The following ATP6V1B2 variants were observed in gnomAD, a reference collection of about 807,000 sequenced individuals.
ATP6V1B2 encodes ATPase H+ transporting V1 subunit B2.
Under a neutral mutation model 66.7 loss-of-function variants are expected in ATP6V1B2, and 23 were observed. The ratio of observed to expected loss-of-function variants is 0.34; its 90% CI spans 0.25 to 0.49. The LOEUF is 0.49. Ranked by LOEUF, ATP6V1B2 falls within the 20% of genes least tolerant of loss-of-function variation. The pLI is 0.99. For synonymous variants in ATP6V1B2, 278 were observed against 236.7 expected, an observed-to-expected ratio of 1.17 and a Z score of -1.60; for missense variants, 478 against 650.8, an observed-to-expected ratio of 0.73 and a Z score of 2.89.
intron 12 of ATP6V1B2, 116 bp from the exon 13 acceptor site, chr8:20,218,037 G>T: frequency 7.4e-7 from 1 of 1,357,966 alleles, no homozygotes; most frequent in African/African-American, 1.5e-5. Context: ...AATTGTTTTT[G>T]TAAATTCCTT....
intron 13 of ATP6V1B2, among the ~76,000 whole-genome samples, chr8:20,219,648 C>T (rs2072888680): frequency 6.6e-6 from 1 of 152,030 alleles, no homozygotes; most frequent in African/African-American, 2.4e-5. Context: ...AATGCAGAAC[C>T]TGAATATCTT....
chr8:20,210,630 C>T lies in ATP6V1B2; in HGVS notation c.447C>T (p.Asp149=). The T allele has an allele frequency of 6.2e-7, 1 of 1,613,678 alleles. No individual in the cohort carries two copies. Among genetic ancestry groups the T allele is most frequent in the Non-Finnish European group, 8.5e-7 (1 of 1,179,650 alleles). ...IDRGPVVLAE[D]FLDIMGQPIN... is the part of the protein sequence containing the mutation. ...GAGGTCCTGTTGTACTGGCCGAAGA[C>T]TTCCTTGATATCATGGGTAGGTACA... The change falls in exon 5 of 14, where the codon GAC becomes GAT. Residue 149 remains aspartate (D), a synonymous_variant. Transcript: ENST00000276390.
At chr8:20,197,764 G>T (rs1267795526) in intron 1 of ATP6V1B2, among the ~76,000 whole-genome samples, 6 of 152,184 alleles carry the variant, frequency 3.9e-5, no homozygotes, top group African/African-American at 1.4e-4. Flanking sequence ...ACTTTTTCCT[G>T]GGGTTGGTGG....
chr8:20,199,225 T>G (rs952186555), intron 1 of ATP6V1B2, among the ~76,000 whole-genome samples: 2 of 152,250 alleles, frequency 1.3e-5, no homozygotes, highest in African/African-American at 2.4e-5. Flanking sequence ...GACGTTATTC[T>G]TGACAAAACT....
intron 1 of ATP6V1B2, 51 bp downstream of exon 1, chr8:20,197,593 C>G: frequency 7.6e-7 from 1 of 1,320,814 alleles, no homozygotes; most frequent in African/African-American, 1.5e-5. Context: ...TAGCCTAGCC[C>G]TTTGCTCCCA....
intron 1 of ATP6V1B2, among the ~76,000 whole-genome samples, chr8:20,198,138 T>G (rs1234970617): frequency 6.6e-6 from 1 of 152,222 alleles, no homozygotes; most frequent in Admixed American, 6.5e-5. Flanking sequence ...AAAAGTACCT[T>G]GCAGGTCATC....
chr8:20,211,880 C>A, intron 7 of ATP6V1B2, 127 bp downstream of exon 7: 2 of 889,378 alleles, frequency 2.2e-6, no homozygotes, highest in Non-Finnish European at 3.3e-6. Context: ...GGCATTTTGG[C>A]CAAATTAAGG....
At chr8:20,214,496 G>T (rs1203405391) in intron 9 of ATP6V1B2, 1 of 181,036 alleles carries the variant, frequency 5.5e-6, no homozygotes, top group Non-Finnish European at 1.1e-5. Flanking sequence ...TGTGAACCAA[G>T]AATCTTTTCT....
chr8:20,209,403 G>T, intron 2 of ATP6V1B2, 30 bp from the exon 3 acceptor site: 1 of 1,601,570 alleles, frequency 6.2e-7, no homozygotes, highest in Non-Finnish European at 8.6e-7. Context: ...TAAAATGTCG[G>T]ATATTGATCC....
chr8:20,201,804 A>T (rs1314268019), intron 1 of ATP6V1B2, among the ~76,000 whole-genome samples: 1 of 152,160 alleles, frequency 6.6e-6, no homozygotes, highest in East Asian at 1.9e-4. Flanking sequence ...TTTATTTCTT[A>T]AAGTTCTGGA....
chr8:20,210,551 C>T lies in ATP6V1B2; in HGVS notation c.386-18C>T. ...AAAGTCAGCATCTACTCTGTCCTGT[C>T]TTCTTACTGATTTCTAGGTCGGGTA... On this transcript the variant is annotated intron_variant, in intron 4 of 13. Transcript: ENST00000276390. 1.9e-6 allele frequency: 3 copies of T among 1,613,050 alleles called. No individual in the cohort carries two copies. The highest frequency in any genetic ancestry group is 1.1e-5 in the South Asian group (1 of 91,048).
rs1301909179 is a variant in ATP6V1B2, at chr8:20,212,181, A to G, written c.785A>G (p.Asn262Ser). 6.2e-7 allele frequency: 1 copy of G among 1,613,460 alleles called. No homozygotes were observed. The highest frequency in any genetic ancestry group is 8.5e-7 in the Non-Finnish European group (1 of 1,179,742). Residue 262 changes from asparagine (N) to serine (S), a missense_variant, in exon 8 of 14, where the codon AAC becomes AGC. Asn to Ser is a conservative substitution (Grantham distance 46). This residue lies in a region of ATP6V1B2 where 326 missense variants were observed against 545.6 expected (regional missense o/e 0.60). Transcript: ENST00000276390. ...GSMDNVCLFL[N>S]LANDPTIERI... ...ATGGACAATGTCTGCCTCTTTTTGA[A>G]CTTGGCTAATGACCCAACGTAAGTA...
intron 10 of ATP6V1B2, 25 bp downstream of exon 10, chr8:20,214,993 A>G: frequency 6.2e-7 from 1 of 1,608,722 alleles, no homozygotes; most frequent in East Asian, 2.2e-5. Flanking sequence ...TTGGATTATA[A>G]CACACCTAAT....
rs1217240978 is a variant in ATP6V1B2 at position 20,221,187 on chromosome 8, A to G, written c.*785A>G. On this transcript the variant is annotated 3_prime_UTR_variant, in exon 14 of 14. Transcript: ENST00000276390. ...TGTTTGGGGTACAAGATGAGAAGAAAGAAAAACCTACAGCCTTTCTACATT... is the reference window on the plus strand; with the variant it reads ...TGTTTGGGGTACAAGATGAGAAGAAGGAAAAACCTACAGCCTTTCTACATT... The G allele has an allele frequency of 6.6e-6, 1 of 152,246 alleles. No homozygotes were observed. Among genetic ancestry groups the G allele is most frequent in the African/African-American group, 2.4e-5 (1 of 41,462 alleles). The allele number at this position is 152,246 out of a possible 1,614,324, so 9.4% of individuals were successfully genotyped here. A position where few individuals can be genotyped will look rare whatever the true frequency, so the allele number is the denominator to read the frequency against.
intron 2 of ATP6V1B2, among the ~76,000 whole-genome samples, chr8:20,208,538 G>A (rs1106634): frequency 0.18 from 26,935 of 152,044 alleles, 2,569 homozygotes; most frequent in Admixed American, 0.24. Context: ...AAATTGCGGA[G>A]TGATTAGTAC....
At chr8:20,200,480 C>T (rs1350949322) in intron 1 of ATP6V1B2, among the ~76,000 whole-genome samples, 1 of 152,012 alleles carries the variant, frequency 6.6e-6, no homozygotes, top group African/African-American at 2.4e-5. Context: ...GTTGACAGTT[C>T]CACTGTACAA....
chr8:20,213,010 G>C, intron 9 of ATP6V1B2, 105 bp downstream of exon 9: 1 of 1,446,452 alleles, frequency 6.9e-7, no homozygotes, highest in East Asian at 2.3e-5. Flanking sequence ...TAATTCCACT[G>C]TTCATATATT....
intron 1 of ATP6V1B2, among the ~76,000 whole-genome samples, chr8:20,200,894 T>C (rs1192166585): frequency 6.6e-6 from 1 of 152,214 alleles, no homozygotes; most frequent in South Asian, 2.1e-4. Flanking sequence ...TGGGTTTTTG[T>C]TTTGCTAATA....
At chr8:20,216,211 A>G (rs1563816127) in intron 10 of ATP6V1B2, 2 of 388,404 alleles carry the variant, frequency 5.1e-6, no homozygotes, top group East Asian at 3.9e-5. Flanking sequence ...AGATAGCCAC[A>G]TTTGGCTAAT....
Sources: allele counts gnomAD v4.1 joint callset (sites outside exome capture counted in the v4.1 genomes callset), GRCh38; gene constraint gnomAD v4.1.1; regional missense constraint gnomAD v4.1.1; transcripts MANE v1.5; gene names NCBI Gene and HGNC (gene_info 2026-07-23, HGNC 2026-07-21).